Variants in TSR1 observed in about 807,000 individuals in gnomAD.
TSR1 encodes the protein pre-rRNA-processing protein TSR1 homolog.
A neutral mutation model predicts 90.9 loss-of-function variants in TSR1; 81 were observed. The ratio of observed to expected loss-of-function variants is 0.89; its 90% CI spans 0.74 to 1.07. The LOEUF is 1.07. Ranked by LOEUF, TSR1 falls within the 50% of genes least tolerant of loss-of-function variation. The pLI is 0.00. For missense variants in TSR1, 989 were observed against 987.3 expected, an observed-to-expected ratio of 1.00 and a Z score of -0.02; for synonymous variants, 362 against 348.8, an observed-to-expected ratio of 1.04 and a Z score of -0.42.
Position 2,323,291 on chromosome 17 carries a change from T to A in TSR1, c.*905A>T. 6.2e-7 allele frequency: 1 copy of A among 1,614,150 alleles called. No individual in the cohort carries two copies. On this transcript the variant is annotated 3_prime_UTR_variant, in exon 15 of 15. Coordinates refer to ENST00000301364, the MANE Select transcript of TSR1 (RefSeq NM_018128.5). ...CCAGCATTGGCTTGAACACCTGGCC[T>A]ATTATCAGGGACCTTGTGGATGATA...
At chr17:2,332,041 A>G (rs902243274) in intron 8 of TSR1, 128 bp downstream of exon 8, 2 of 996,360 alleles carry the variant, frequency 2.0e-6, no homozygotes, top group Admixed American at 2.8e-5. Flanking sequence ...TCCCATATTA[A>G]ATGTTAGCTC....
intron 7 of TSR1, 79 bp downstream of exon 7, chr17:2,332,882 C>T: frequency 7.4e-7 from 1 of 1,347,702 alleles, no homozygotes; most frequent in Non-Finnish European, 1.0e-6. Context: ...TAACCACACA[C>T]ACCCATCAAG....
chr17:2,324,654 G>C, intron 13 of TSR1, 35 bp downstream of exon 13: 2 of 1,613,914 alleles, frequency 1.2e-6, no homozygotes, highest in Non-Finnish European at 1.7e-6. Context: ...ATACCACAAA[G>C]GCAATCAGAT....
chr17:2,335,769 C>A (rs749746147), intron 2 of TSR1, 39 bp from the exon 3 acceptor site: 1 of 1,587,694 alleles, frequency 6.3e-7, no homozygotes, highest in South Asian at 1.1e-5. Flanking sequence ...CTCAGTGTCT[C>A]AGTACTTCAC....
chr17:2,329,504 C>G (rs757103855), intron 10 of TSR1, 29 bp from the exon 11 acceptor site: 1 of 1,612,366 alleles, frequency 6.2e-7, no homozygotes, highest in Admixed American at 1.7e-5. Flanking sequence ...AAACAAAAAT[C>G]TTCATAGTCT....
In TSR1 at chr17:2,323,108, T is replaced by G; in HGVS notation, c.*1088A>C. The G allele has an allele frequency of 6.2e-7, 1 of 1,608,726 alleles. No homozygotes were observed. Among genetic ancestry groups the G allele is most frequent in the Non-Finnish European group, 8.5e-7 (1 of 1,175,168 alleles). On this transcript the variant is annotated 3_prime_UTR_variant, in exon 15 of 15. Transcript: ENST00000301364. ...TGCAGGCAATGTTGTGGTTTGTTGT[T>G]AAGATGTCTTAATATTCCTCTTCCC...
At chr17:2,325,127 G>A (rs143396929) in intron 12 of TSR1, 177 bp downstream of exon 12, 11 of 608,478 alleles carry the variant, frequency 1.8e-5, no homozygotes, top group East Asian at 8.5e-5. Context: ...ACTGTTTCAC[G>A]TAAAAGTTGG....
chr17:2,332,089 T>C (rs1472244742), intron 8 of TSR1, 80 bp downstream of exon 8: 9 of 1,511,970 alleles, frequency 6.0e-6, no homozygotes, highest in Non-Finnish European at 8.1e-6. Context: ...TTCTTTTGCA[T>C]CACAGTGACA....
chr17:2,335,239 A>G (rs769704951), intron 4 of TSR1, 21 bp downstream of exon 4: 2 of 1,611,884 alleles, frequency 1.2e-6, no homozygotes, highest in Admixed American at 1.7e-5. Context: ...AAAGGTGCAC[A>G]ATAAATGCTA....
In TSR1 at chr17:2,332,340, T is replaced by A. The variant is rs2064012120; in HGVS notation, c.1325A>T (p.Glu442Val). The change falls in exon 8 of 15, where the codon GAG becomes GTG. Residue 442 changes from glutamate (E) to valine (V), a missense_variant. Coordinates refer to ENST00000301364, the MANE Select transcript of TSR1 (RefSeq NM_018128.5). ...AATAGTCATAGTTTCATATTCTTCC[T>A]CTTCTTCACTACTCTCATCCTGTAG... ...EESQDESSEE[E>V]EEYETMTIGE... 1 of 1,604,698 alleles carries A rather than the reference T, an allele frequency of 6.2e-7. No homozygotes were observed.
chr17:2,335,017 C>A, intron 4 of TSR1, 121 bp from the exon 5 acceptor site: 2 of 1,136,376 alleles, frequency 1.8e-6, no homozygotes, highest in Non-Finnish European at 2.5e-6. Flanking sequence ...AAGCCCAACA[C>A]TGAACTACCC....
At position 2,329,335 on chromosome 17, in the gene TSR1, T is replaced by C. The variant is rs781227160; in HGVS notation, c.1903+8A>G. 7.4e-6 allele frequency: 12 copies of C among 1,613,856 alleles called. No individual in the cohort carries two copies. Among genetic ancestry groups the C allele is most frequent in the Middle Eastern group, 1.6e-4 (1 of 6,062 alleles). On this transcript the variant is annotated splice_region_variant and intron_variant, in intron 11 of 14. Transcript: ENST00000301364. The stretch of plus-strand genomic sequence containing the variant: ...GATGGACAAGAACCCAGCTTCCCCA[T>C]TGCTAACCTGCAGTGTGCTGAGAGA...
intron 2 of TSR1, 61 bp downstream of exon 2, chr17:2,335,976 G>T: frequency 1.3e-6 from 2 of 1,549,866 alleles, no homozygotes; most frequent in Non-Finnish European, 1.8e-6. Flanking sequence ...TTTCCACTTC[G>T]AGGCATTAGC....
chr17:2,336,094 G>C lies in TSR1; in HGVS notation c.144C>G (p.Leu48=). The change falls in exon 2 of 15, where the codon CTC becomes CTG. Residue 48 remains leucine, a synonymous_variant. Transcript: ENST00000301364. ...CGCGATGCCTCTGGTCGACTCTGCT[G>C]AGTTCTTTTCTCACCTTCTTGCTTA... ...KTLSKKVRKE[L]SRVDQRHRAS... 1 of 1,614,186 alleles carries C rather than the reference G, an allele frequency of 6.2e-7. No homozygotes were observed. The highest frequency in any genetic ancestry group is 1.3e-5 in the African/African-American group (1 of 75,056).
In TSR1 at chr17:2,323,894, G is replaced by T; in HGVS notation, c.*302C>A. On this transcript the variant is annotated 3_prime_UTR_variant, in exon 15 of 15. Transcript: ENST00000301364. ...TTTAATTTACAGAAAAGGAAATGGT[G>T]GGAATTCAGTGTCTTTAGATACTGA... is the stretch of plus-strand genomic sequence containing the variant. 2 of 1,604,990 alleles carry T rather than the reference G, an allele frequency of 1.2e-6. No homozygotes were observed. The highest frequency in any genetic ancestry group is 1.1e-5 in the South Asian group (1 of 90,616).
chr17:2,332,083 T>A (rs1168871181), intron 8 of TSR1, 86 bp downstream of exon 8: 1 of 1,489,136 alleles, frequency 6.7e-7, no homozygotes, highest in East Asian at 2.3e-5. Flanking sequence ...TTTTTCTTCT[T>A]TTGCATCACA....
At chr17:2,335,191 T>C (rs1194161852) in intron 4 of TSR1, 69 bp downstream of exon 4, 1 of 1,496,816 alleles carries the variant, frequency 6.7e-7, no homozygotes, top group African/African-American at 1.4e-5. Flanking sequence ...ATCAGTTGTA[T>C]TCCTGTATCA....
In TSR1 at chr17:2,332,378, G is replaced by GT. The variant is rs745704886; in HGVS notation, c.1306-20dup. On this transcript the variant is annotated intron_variant, in intron 7 of 14. Coordinates refer to ENST00000301364, the MANE Select transcript of TSR1 (RefSeq NM_018128.5). Reference sequence around the variant, plus strand: ...TCTCATCCTGTAGAATAGGATTACAGTTTTTTCAGAAGAAATCCACACCTG... The same window carrying GT: ...TCTCATCCTGTAGAATAGGATTACAGTTTTTTTCAGAAGAAATCCACACCTG... 4 of 1,566,044 alleles carry GT rather than the reference G, an allele frequency of 2.6e-6. No individual in the cohort carries two copies. The highest frequency in any genetic ancestry group is 2.3e-5 in the East Asian group (1 of 44,012).
Position 2,324,766 on chromosome 17 carries a change from TTGA to T in TSR1, c.2081_2083del (p.Ile694del), listed in dbSNP as rs1292751233. 9.9e-6 allele frequency: 16 copies of T among 1,614,106 alleles called. No homozygotes were observed. Among genetic ancestry groups the T allele is most frequent in the Non-Finnish European group, 1.4e-5 (16 of 1,180,044 alleles). On this transcript the variant is annotated inframe_deletion, in exon 13 of 15. Transcript: ENST00000301364. ...AGGATGACCACTCAGAACAACTCTC[TTGA>T]TGACCATTCTGTCTGGATCTACTGA...
Sources: gnomAD v4.1 joint callset for allele counts on GRCh38, gnomAD v4.1.1 for gene constraint, MANE v1.5 for transcripts, NCBI Gene and HGNC (gene_info 2026-07-23, HGNC 2026-07-21) for gene names.